KCND2: variants seen among roughly 807,000 people sequenced by gnomAD.
KCND2 encodes A-type voltage-gated potassium channel KCND2.
KCND2 carries 16 observed loss-of-function variants against 54.4 expected under a neutral mutation model. The observed-to-expected ratio is 0.29, with a 90% CI of 0.20 to 0.45. KCND2 has a LOEUF of 0.45. KCND2 is among the 20% of genes least tolerant of loss of function. The probability of loss-of-function intolerance (pLI) is 1.00; values close to 1 mark genes in which losing one functional copy is unlikely to be tolerated. For synonymous variants in KCND2, 317 were observed against 310.7 expected, an observed-to-expected ratio of 1.02 and a Z score of -0.21; for missense variants, 486 against 824.2, an observed-to-expected ratio of 0.59 and a Z score of 5.02.
At chr7:120,511,746 C>A (rs1354413998) in intron 1 of KCND2, among the ~76,000 whole-genome samples, 1 of 152,030 alleles carries the variant, frequency 6.6e-6, no homozygotes, top group East Asian at 1.9e-4. Flanking sequence ...TAGCACCTAT[C>A]CCTATCTCGC....
intron 1 of KCND2, among the ~76,000 whole-genome samples, chr7:120,493,844 A>C (rs1438708004): frequency 2.0e-5 from 3 of 152,142 alleles, no homozygotes; most frequent in East Asian, 1.9e-4. Flanking sequence ...TATTCATAGG[A>C]GCATAATCCA....
chr7:120,291,534 A>G (rs1389926693), intron 1 of KCND2, among the ~76,000 whole-genome samples: 1 of 152,002 alleles, frequency 6.6e-6, no homozygotes, highest in African/African-American at 2.4e-5. Context: ...ATGCACGGTC[A>G]TATACAAAGC....
intron 1 of KCND2, among the ~76,000 whole-genome samples, chr7:120,582,595 A>G (rs1584839791): frequency 1.3e-5 from 2 of 151,876 alleles, no homozygotes; most frequent in South Asian, 2.1e-4. Flanking sequence ...TACTCTGACT[A>G]CCCCTCCTCT....
At chr7:120,362,299 A>C (rs1800603369) in intron 1 of KCND2, among the ~76,000 whole-genome samples, 1 of 152,108 alleles carries the variant, frequency 6.6e-6, no homozygotes, top group African/African-American at 2.4e-5. Context: ...TGAAGTAAAA[A>C]GTTTCTCTGG....
chr7:120,741,843 T>A (rs1792945202), intron 3 of KCND2, among the ~76,000 whole-genome samples: 1 of 152,152 alleles, frequency 6.6e-6, no homozygotes, highest in Admixed American at 6.6e-5. Context: ...TGCCAGTGAA[T>A]CATGATGCCT....
At chr7:120,372,212 A>C (rs1400122205) in intron 1 of KCND2, among the ~76,000 whole-genome samples, 1 of 151,828 alleles carries the variant, frequency 6.6e-6, no homozygotes, top group East Asian at 1.9e-4. Flanking sequence ...AGTGTAATTT[A>C]CTCTCTTTCT....
chr7:120,386,121 C>A (rs1800984497), intron 1 of KCND2, among the ~76,000 whole-genome samples: 1 of 151,986 alleles, frequency 6.6e-6, no homozygotes, highest in South Asian at 2.1e-4. Context: ...ATAGGGCAGA[C>A]AAAAGTCAGA....
intron 1 of KCND2, among the ~76,000 whole-genome samples, chr7:120,710,562 CCA>C (rs1792524842): frequency 6.6e-6 from 1 of 152,024 alleles, no homozygotes; most frequent in Non-Finnish European, 1.5e-5. Flanking sequence ...CATTTTTTCC[CCA>C]GTTTCTCCTG....
chr7:120,279,451 A>C (rs552360777), intron 1 of KCND2, among the ~76,000 whole-genome samples: 30 of 152,018 alleles, frequency 2.0e-4, no homozygotes, highest in African/African-American at 6.7e-4. Flanking sequence ...TTTTCATCAA[A>C]GTGTTCAATA....
intron 1 of KCND2, among the ~76,000 whole-genome samples, chr7:120,671,031 A>T (rs936314338): frequency 9.2e-5 from 14 of 152,236 alleles, no homozygotes; most frequent in Admixed American, 7.2e-4. Context: ...TACATTTAAT[A>T]GCTATTTTCC....
At chr7:120,431,277 G>T (rs1019393449) in intron 1 of KCND2, among the ~76,000 whole-genome samples, 2 of 152,176 alleles carry the variant, frequency 1.3e-5, no homozygotes, top group Non-Finnish European at 2.9e-5. Flanking sequence ...TACTATACTA[G>T]GCTCTAGGTA....
chr7:120,567,045 C>A (rs1792307869), intron 1 of KCND2, among the ~76,000 whole-genome samples: 1 of 151,938 alleles, frequency 6.6e-6, no homozygotes, highest in Non-Finnish European at 1.5e-5. Context: ...CATTTTTCAT[C>A]AGAACATCTA....
intron 1 of KCND2, among the ~76,000 whole-genome samples, chr7:120,611,229 C>A (rs911359111): frequency 6.6e-6 from 1 of 152,150 alleles, no homozygotes; most frequent in Non-Finnish European, 1.5e-5. Flanking sequence ...TTAATTATTA[C>A]GCATTTCATT....
intron 1 of KCND2, among the ~76,000 whole-genome samples, chr7:120,607,410 G>T (rs999196993): frequency 6.6e-6 from 1 of 152,106 alleles, no homozygotes; most frequent in East Asian, 1.9e-4. Flanking sequence ...CTATTTAAAA[G>T]ATCTGTAGGG....
intron 1 of KCND2, among the ~76,000 whole-genome samples, chr7:120,414,024 G>A (rs978319652): frequency 6.7e-6 from 1 of 149,970 alleles, no homozygotes; most frequent in African/African-American, 2.5e-5. Flanking sequence ...CTTATGTTTA[G>A]TCTGATGATG....
intron 1 of KCND2, among the ~76,000 whole-genome samples, chr7:120,533,998 A>G (rs1791873132): frequency 6.6e-6 from 1 of 152,162 alleles, no homozygotes; most frequent in Non-Finnish European, 1.5e-5. Context: ...TTTTGAAAAA[A>G]GTCTGTTTTA....
chr7:120,321,228 T>G (rs2116330219), intron 1 of KCND2, among the ~76,000 whole-genome samples: 1 of 152,318 alleles, frequency 6.6e-6, no homozygotes, highest in Non-Finnish European at 1.5e-5. Context: ...TAATAACTTG[T>G]GACAAGTGCA....
rs142360509 is a variant in KCND2, at chr7:120,730,546, G to A, written c.1116-2357G>A. On this transcript the variant is annotated intron_variant, in intron 1 of 5. Coordinates refer to ENST00000331113, the MANE Select transcript of KCND2 (RefSeq NM_012281.3). ...TTAGCTTCCCAGATAGAAGGAGATC[G>A]TGTTTTATATGAACACAGCATTCTG... Among the ~76,000 whole-genome samples the A allele has an allele frequency of 4.6e-3, 707 of 152,194 alleles. 6 individuals are homozygous for A. The highest frequency in any genetic ancestry group is 0.025 in the East Asian group (130 of 5,184).
intron 1 of KCND2, among the ~76,000 whole-genome samples, chr7:120,345,913 G>A (rs1800310075): frequency 6.6e-6 from 1 of 152,018 alleles, no homozygotes; most frequent in Admixed American, 6.6e-5. Flanking sequence ...TTTTTTTGAG[G>A]AAGCATCATA....
Sources: allele counts gnomAD v4.1 joint callset (sites outside exome capture counted in the v4.1 genomes callset), GRCh38; gene constraint gnomAD v4.1.1; transcripts MANE v1.5; gene names NCBI Gene and HGNC (gene_info 2026-07-23, HGNC 2026-07-21).